The following SYN3 variants were observed in gnomAD, a reference collection of about 807,000 sequenced individuals.
SYN3 encodes synapsin-3.
In SYN3, 35 loss-of-function variants were observed where a neutral mutation model predicts 65.8. That is an observed-to-expected ratio of 0.53 (90% CI 0.41 to 0.70). SYN3 has a LOEUF of 0.70. Ranked by LOEUF, SYN3 falls within the 30% of genes least tolerant of loss-of-function variation. The probability of loss-of-function intolerance (pLI) is 0.00; values close to 1 mark genes in which losing one functional copy is unlikely to be tolerated. For missense variants in SYN3, 680 were observed against 749.0 expected (o/e 0.91, Z 1.08); for synonymous variants, 270 against 292.9 (o/e 0.92, Z 0.80).
intron 7 of SYN3, among the ~76,000 whole-genome samples, chr22:32,594,287 T>C (rs8142270): frequency 0.11 from 17,204 of 152,112 alleles, 1,985 homozygotes; most frequent in African/African-American, 0.29. Context: ...CAGGCAGAAC[T>C]TCCTGCCCTC....
At chr22:32,926,120 G>GGGA (rs2050463449) in intron 4 of SYN3, among the ~76,000 whole-genome samples, 1 of 152,230 alleles carries the variant, frequency 6.6e-6, no homozygotes, top group South Asian at 2.1e-4. Flanking sequence ...CCAAAGTGCT[G>GGGA]GGATTACAGG....
At chr22:32,905,726 G>A (rs2049884669) in intron 4 of SYN3, among the ~76,000 whole-genome samples, 1 of 152,220 alleles carries the variant, frequency 6.6e-6, no homozygotes, top group Admixed American at 6.5e-5. Flanking sequence ...GTGGCTGCAA[G>A]AGCCTGTATT....
chr22:32,899,751 G>C (rs1195808712), intron 4 of SYN3, among the ~76,000 whole-genome samples: 1 of 152,186 alleles, frequency 6.6e-6, no homozygotes. Context: ...TCCCTCTTTT[G>C]AGCCTTCGTT....
At chr22:32,875,458 C>A (rs569291580) in intron 4 of SYN3, among the ~76,000 whole-genome samples, 9 of 152,304 alleles carry the variant, frequency 5.9e-5, no homozygotes, top group Middle Eastern at 3.4e-3. Context: ...CTGGGAACCC[C>A]ACATGTTATG....
intron 6 of SYN3, among the ~76,000 whole-genome samples, chr22:32,735,047 TG>T (rs1299938790): frequency 6.6e-6 from 1 of 151,818 alleles, no homozygotes. Context: ...GATTTGGGGG[TG>T]GAAGTGAGAG....
chr22:32,811,662 C>A (rs2046918576), intron 6 of SYN3, among the ~76,000 whole-genome samples: 1 of 152,196 alleles, frequency 6.6e-6, no homozygotes, highest in Non-Finnish European at 1.5e-5. Flanking sequence ...TTGATGACAA[C>A]TTCGCAACGA....
intron 5 of SYN3, 58 bp downstream of exon 5, chr22:32,868,908 G>A: frequency 7.1e-6 from 11 of 1,550,318 alleles, no homozygotes; most frequent in Non-Finnish European, 9.7e-6. Flanking sequence ...TTGTCGCAGA[G>A]TGGGAGGCCA....
At chr22:32,980,512 G>T in intron 3 of SYN3, 133 bp downstream of exon 3, 1 of 804,294 alleles carries the variant, frequency 1.2e-6, no homozygotes, top group Non-Finnish European at 2.1e-6. Flanking sequence ...AGACTCCCAA[G>T]TATAAGCTTG....
intron 6 of SYN3, among the ~76,000 whole-genome samples, chr22:32,734,347 G>T (rs112911533): frequency 4.5e-4 from 68 of 152,340 alleles, no homozygotes; most frequent in African/African-American, 1.3e-3. Flanking sequence ...CCAGGTGCAG[G>T]GGGGAGAGAG....
At chr22:32,939,708 T>C (rs1398101676) in intron 3 of SYN3, among the ~76,000 whole-genome samples, 1 of 152,234 alleles carries the variant, frequency 6.6e-6, no homozygotes, top group African/African-American at 2.4e-5. Flanking sequence ...AATTTCTGTG[T>C]AGTATTTCAT....
At chr22:32,569,670 AG>A (rs1166227818) in intron 7 of SYN3, among the ~76,000 whole-genome samples, 1 of 151,990 alleles carries the variant, frequency 6.6e-6, no homozygotes, top group Non-Finnish European at 1.5e-5. Flanking sequence ...CACAAATGGA[AG>A]GTATGGCTTT....
chr22:32,965,285 C>T (rs1168503234), intron 3 of SYN3, among the ~76,000 whole-genome samples: 1 of 152,134 alleles, frequency 6.6e-6, no homozygotes, highest in African/African-American at 2.4e-5. Context: ...AGGGCTAATG[C>T]TTTGTTTGTG....
intron 4 of SYN3, among the ~76,000 whole-genome samples, chr22:32,890,729 G>A (rs1463688075): frequency 6.6e-6 from 1 of 151,920 alleles, no homozygotes; most frequent in Non-Finnish European, 1.5e-5. Flanking sequence ...TCTTCTTTTG[G>A]GCAAGTTGCC....
At chr22:32,968,172 T>C (rs1323373136) in intron 3 of SYN3, among the ~76,000 whole-genome samples, 1 of 152,178 alleles carries the variant, frequency 6.6e-6, no homozygotes, top group Non-Finnish European at 1.5e-5. Context: ...AAATAGGTCA[T>C]CTCTTCTCCT....
In SYN3 at chr22:32,861,169, A is replaced by G. The variant is rs886057445; in HGVS notation, c.711+3746T>C. On this transcript the variant is annotated intron_variant, in intron 6 of 13. Coordinates refer to ENST00000358763, the MANE Select transcript of SYN3 (RefSeq NM_003490.4). ...AGGAAACAGAGCTGCCAATTGAAAC[A>G]GAAGAAGAAAAAAAAAAAAAGCAGC... 4 of 108,388 alleles carry G rather than the reference A, an allele frequency of 3.7e-5. No individual in the cohort carries two copies. The highest frequency in any genetic ancestry group is 7.3e-5 in the Non-Finnish European group (4 of 54,472). The allele number at this position is 108,388 out of a possible 1,614,324, so 6.7% of individuals were successfully genotyped here.
rs530354372 is a variant in SYN3 at position 32,945,182 on chromosome 22, A to G, written c.370-13701T>C. The stretch of plus-strand genomic sequence containing the variant: ...CCAATGACTTTCTTCACAGAACTGG[A>G]AATAACTACTTTAAAGTTCATATGG... On this transcript the variant is annotated intron_variant, in intron 3 of 13. Transcript: ENST00000358763. Among the ~76,000 whole-genome samples the G allele has an allele frequency of 4.6e-5, 7 of 152,354 alleles. No homozygotes were observed. In the South Asian group the frequency reaches 1.5e-3, roughly 32 times the overall value.
At chr22:32,987,427 C>T (rs561552821) in intron 2 of SYN3, among the ~76,000 whole-genome samples, 13 of 152,304 alleles carry the variant, frequency 8.5e-5, no homozygotes, top group Admixed American at 2.6e-4. Flanking sequence ...CTGATTCTAG[C>T]TCCATTGTTT....
intron 7 of SYN3, among the ~76,000 whole-genome samples, chr22:32,586,662 A>G (rs1306793636): frequency 6.6e-6 from 1 of 152,078 alleles, no homozygotes; most frequent in East Asian, 1.9e-4. Context: ...ATCTTATTTG[A>G]CTCAAATTTT....
chr22:32,572,387 C>CT (rs1569051531), intron 7 of SYN3, among the ~76,000 whole-genome samples: 4 of 82,692 alleles, frequency 4.8e-5, no homozygotes, highest in African/African-American at 6.8e-5. Context: ...CCCATCTTTC[C>CT]TTCCTTCCCT....
Sources: gnomAD v4.1 joint callset for allele counts (sites outside exome capture counted in the v4.1 genomes callset) on GRCh38, gnomAD v4.1.1 for gene constraint, MANE v1.5 for transcripts, NCBI Gene and HGNC (gene_info 2026-07-23, HGNC 2026-07-21) for gene names.